Variants in OIP5 observed in about 807,000 individuals in gnomAD.
OIP5 encodes Opa interacting protein 5.
Under a neutral mutation model 20.3 loss-of-function variants are expected in OIP5, and 24 were observed. The ratio of observed to expected loss-of-function variants is 1.18; its 90% CI spans 0.86 to 1.66. The LOEUF (loss-of-function observed/expected upper bound fraction) is 1.66, where lower values mean the gene tolerates loss of function less well. Among genes scored for constraint, OIP5 ranks in the 40% most tolerant of loss-of-function variants. The probability of loss-of-function intolerance (pLI) is 0.00; values close to 1 mark genes in which losing one functional copy is unlikely to be tolerated. For synonymous variants in OIP5, 143 were observed against 121.3 expected, an observed-to-expected ratio of 1.18 and a Z score of -1.17; for missense variants, 339 against 289.5, an observed-to-expected ratio of 1.17 and a Z score of -1.24.
intron 2 of OIP5, among the ~76,000 whole-genome samples, chr15:41,329,720 GAGGA>G (rs956134586): frequency 7.6e-5 from 11 of 145,556 alleles, no homozygotes; most frequent in African/African-American, 7.6e-5. Flanking sequence ...TTTTTTTTTT[GAGGA>G]AGAGTCTCGC....
chr15:41,327,527 C>T (rs1373374293), intron 2 of OIP5, among the ~76,000 whole-genome samples: 2 of 151,502 alleles, frequency 1.3e-5, no homozygotes, highest in Non-Finnish European at 2.9e-5. Context: ...CAGTGGCTCA[C>T]GCCTGTAATC....
Position 41,309,821 on chromosome 15 carries a change from TTGTGCGTTAGCAC to T in OIP5, c.610_622del (p.Val204IlefsTer3). On this transcript the variant is annotated frameshift_variant, in exon 5 of 5. Coordinates refer to ENST00000220514, the MANE Select transcript of OIP5 (RefSeq NM_007280.2). LOFTEE classifies it high-confidence loss of function. ...AATCTTCATTAGTGATTTTAAGCGA[TTGTGCGTTAGCAC>T]TATCTTCTCTTTCAGCTAGGAAGAG... is the stretch of plus-strand genomic sequence containing the variant. The T allele has an allele frequency of 3.1e-6, 5 of 1,613,788 alleles. No individual in the cohort carries two copies. Among genetic ancestry groups the T allele is most frequent in the Non-Finnish European group, 4.2e-6 (5 of 1,179,698 alleles).
At chr15:41,319,345 T>A (rs1325555941) in intron 3 of OIP5, among the ~76,000 whole-genome samples, 1 of 151,930 alleles carries the variant, frequency 6.6e-6, no homozygotes, top group Non-Finnish European at 1.5e-5. Context: ...AGCCTCTGCC[T>A]CCCAGGTTCC....
At chr15:41,329,426 C>T (rs1383149517) in intron 2 of OIP5, among the ~76,000 whole-genome samples, 1 of 150,850 alleles carries the variant, frequency 6.6e-6, no homozygotes, top group African/African-American at 2.4e-5. Flanking sequence ...AGCCATTCTC[C>T]TGCCTCAGCC....
intron 3 of OIP5, among the ~76,000 whole-genome samples, chr15:41,313,983 T>C (rs993285303): frequency 5.9e-5 from 9 of 152,166 alleles, no homozygotes; most frequent in African/African-American, 1.4e-4. Flanking sequence ...ACCAGGCTCA[T>C]ATGAATAATT....
chr15:41,332,293 G>A lies in OIP5; in HGVS notation c.269C>T (p.Ser90Leu), dbSNP rs2047936750. ...CGACAGGTCCCAGGCGAGGTGCACC[G>A]AGTCGGCGAGCACTGCGTGACACTG... ...CAQCHAVLAD[S>L]VHLAWDLSRS... Residue 90 changes from serine (S) to leucine (L), a missense_variant, in exon 1 of 5, where the codon TCG becomes TTG. Transcript: ENST00000220514. The A allele has an allele frequency of 8.2e-6, 13 of 1,581,042 alleles. No homozygotes were observed. Among genetic ancestry groups the A allele is most frequent in the Non-Finnish European group, 1.1e-5 (13 of 1,163,324 alleles).
chr15:41,318,941 A>G (rs1485211457), intron 3 of OIP5, among the ~76,000 whole-genome samples: 3 of 151,822 alleles, frequency 2.0e-5, no homozygotes, highest in Non-Finnish European at 4.4e-5. Flanking sequence ...GCCCTCAAGC[A>G]GTCCTCCCAC....
intron 3 of OIP5, among the ~76,000 whole-genome samples, chr15:41,314,642 T>TG (rs1337752130): frequency 6.6e-6 from 1 of 151,064 alleles, no homozygotes; most frequent in African/African-American, 2.4e-5. Context: ...TCTCTTTTTT[T>TG]TTTTTTTGAG....
At chr15:41,315,065 T>C (rs1178617587) in intron 3 of OIP5, among the ~76,000 whole-genome samples, 1 of 139,428 alleles carries the variant, frequency 7.2e-6, no homozygotes, top group East Asian at 2.1e-4. Context: ...TGAACCATGA[T>C]CGCTCCAGCC....
intron 2 of OIP5, among the ~76,000 whole-genome samples, chr15:41,325,670 G>C (rs977226397): frequency 4.0e-5 from 6 of 151,220 alleles, no homozygotes; most frequent in Non-Finnish European, 5.9e-5. Context: ...GGCAAACACG[G>C]CGAAACCCAT....
intron 2 of OIP5, among the ~76,000 whole-genome samples, chr15:41,322,155 G>A (rs2047834501): frequency 1.3e-5 from 2 of 151,984 alleles, no homozygotes; most frequent in Admixed American, 6.6e-5. Context: ...AAACATTTTG[G>A]TCAGGCACAG....
chr15:41,315,135 G>A (rs2047781893), intron 3 of OIP5, among the ~76,000 whole-genome samples: 1 of 150,020 alleles, frequency 6.7e-6, no homozygotes. Context: ...AAAAGATTAA[G>A]AAAATTTATG....
At chr15:41,314,136 C>A (rs1056758728) in intron 3 of OIP5, among the ~76,000 whole-genome samples, 6 of 151,972 alleles carry the variant, frequency 3.9e-5, no homozygotes, top group African/African-American at 1.5e-4. Flanking sequence ...GAGTCTCGCT[C>A]TGTTGCCCAG....
chr15:41,320,026 A>C, intron 2 of OIP5, among the ~76,000 whole-genome samples: 1 of 152,178 alleles, frequency 6.6e-6, no homozygotes, highest in East Asian at 1.9e-4. Context: ...TTGTCGCTTC[A>C]GAAGAGAAAG....
intron 2 of OIP5, among the ~76,000 whole-genome samples, chr15:41,329,461 G>A (rs573311979): frequency 2.6e-5 from 4 of 151,756 alleles, no homozygotes; most frequent in African/African-American, 7.2e-5. Flanking sequence ...GACTATAGGC[G>A]CTTGCCACCT....
chr15:41,332,126 T>C, intron 1 of OIP5, 114 bp downstream of exon 1: 1 of 1,371,830 alleles, frequency 7.3e-7, no homozygotes, highest in East Asian at 2.3e-5. Flanking sequence ...GTTATTTGCT[T>C]CCAACTTTTC....
rs368438403 is a variant in OIP5 at position 41,318,691 on chromosome 15, A to G, written c.512+967T>C. 9.9e-5 allele frequency among the ~76,000 whole-genome samples: 15 copies of G among 150,878 alleles called. No homozygotes were observed. In the South Asian group the frequency reaches 1.5e-3, roughly 15 times the overall value. On this transcript the variant is annotated intron_variant, in intron 3 of 4. Transcript: ENST00000220514. The stretch of plus-strand genomic sequence containing the variant: ...AGACATGGAAGATAATCATAATGTT[A>G]TAAGATTATATTTTGGTCCCACTGC...
At chr15:41,324,876 A>T (rs1009911504) in intron 2 of OIP5, among the ~76,000 whole-genome samples, 6 of 152,206 alleles carry the variant, frequency 3.9e-5, no homozygotes, top group Admixed American at 2.0e-4. Context: ...TTGATTTAAA[A>T]TGAGAGACTT....
intron 1 of OIP5, 29 bp from the exon 2 acceptor site, chr15:41,332,010 A>G: frequency 6.2e-7 from 1 of 1,608,606 alleles, no homozygotes; most frequent in East Asian, 2.2e-5. Context: ...GTCAGAACCC[A>G]TACTCTGCGG....
Sources: allele counts gnomAD v4.1 joint callset (sites outside exome capture counted in the v4.1 genomes callset), GRCh38; gene constraint gnomAD v4.1.1; transcripts MANE v1.5; gene names NCBI Gene and HGNC (gene_info 2026-07-23, HGNC 2026-07-21).